Variants in LONRF3 observed in about 807,000 individuals in gnomAD.
LONRF3 encodes LON peptidase N-terminal domain and RING finger protein 3.
A neutral mutation model predicts 51.7 loss-of-function variants in LONRF3; 19 were observed. The ratio of observed to expected loss-of-function variants is 0.37; its 90% CI spans 0.26 to 0.54. The LOEUF is 0.54. Among genes scored for constraint, LONRF3 ranks in the 20% least tolerant of loss-of-function variants. The probability of loss-of-function intolerance (pLI) is 0.86; values close to 1 mark genes in which losing one functional copy is unlikely to be tolerated. For synonymous variants in LONRF3, 265 were observed against 257.8 expected (o/e 1.03, Z -0.27); for missense variants, 521 against 623.9 (o/e 0.84, Z 1.76).
intron 5 of LONRF3, among the ~76,000 whole-genome samples, chrX:118,995,121 T>C (rs1428747562): frequency 1.8e-5 from 2 of 112,138 alleles, no homozygotes; most frequent in East Asian, 5.6e-4. Context: ...TTAAGAGAAC[T>C]GAAATTATAT....
intron 3 of LONRF3, chrX:118,986,786 T>C: frequency 2.1e-6 from 1 of 468,839 alleles, no homozygotes; most frequent in East Asian, 3.8e-5. Context: ...CCTGGTGTGG[T>C]GTGTTAGGGA....
At chrX:119,009,479 G>A (rs1924955140) in intron 7 of LONRF3, among the ~76,000 whole-genome samples, 2 of 111,998 alleles carry the variant, frequency 1.8e-5, no homozygotes, top group African/African-American at 3.2e-5. Flanking sequence ...AAGCATAAGC[G>A]AAACCAGTGA....
rs755823822 is a variant in LONRF3, at chrX:119,017,655, C to A, written c.2245C>A (p.Arg749=). The part of the protein sequence containing the change: ...SLKDRLNGIR[R]VLAFISRNQN ...AAAGGACAGACTGAATGGTATTCGACGAGTCCTGGCCTTCATATCCCGAAA... is the reference window on the plus strand; with the variant it reads ...AAAGGACAGACTGAATGGTATTCGAAGAGTCCTGGCCTTCATATCCCGAAA... The change falls in exon 11 of 11, where the codon CGA becomes AGA. Residue 749 remains arginine (R), a synonymous_variant. Transcript: ENST00000371628. 5 of 1,206,345 alleles carry A rather than the reference C, an allele frequency of 4.1e-6. No homozygotes were observed. The Admixed American group carries it at 8.8e-5, about 21-fold the overall frequency.
At chrX:118,975,688 AC>A in intron 1 of LONRF3, 91 bp downstream of exon 1, 1 of 533,847 alleles carries the variant, frequency 1.9e-6, no homozygotes, top group Non-Finnish European at 2.5e-6. Flanking sequence ...AGGGATTTGG[AC>A]CAGGGCAGAA....
At chrX:119,002,968 T>C (rs764876409) in intron 5 of LONRF3, among the ~76,000 whole-genome samples, 1 of 109,455 alleles carries the variant, frequency 9.1e-6, no homozygotes, top group South Asian at 4.0e-4. Flanking sequence ...TCTGCTAATT[T>C]TTATGGGATT....
chrX:118,991,937 A>G (rs1293114936), intron 5 of LONRF3, among the ~76,000 whole-genome samples: 2 of 111,774 alleles, frequency 1.8e-5, no homozygotes, highest in Non-Finnish European at 3.8e-5. Flanking sequence ...TGTTCTATAT[A>G]TGGATTCTAA....
chrX:118,977,180 A>G (rs1026238261), intron 1 of LONRF3, among the ~76,000 whole-genome samples: 1 of 111,330 alleles, frequency 9.0e-6, no homozygotes. Flanking sequence ...GAAAAAAAAA[A>G]CATCAAAGCC....
At chrX:118,978,210 A>C in intron 1 of LONRF3, 135 bp from the exon 2 acceptor site, 2 of 476,061 alleles carry the variant, frequency 4.2e-6, no homozygotes, top group Middle Eastern at 5.2e-4. Flanking sequence ...CTAGAAATAG[A>C]GCCTAACCCT....
chrX:118,974,970 A>G lies in LONRF3; in HGVS notation c.190A>G (p.Thr64Ala). Reference sequence around the variant, plus strand: ...GCAAGAGCAGTCTCCGGGGACCTCAACGCCGGAGAGCAAAGTCCTGCTCAC... The same window carrying G: ...GCAAGAGCAGTCTCCGGGGACCTCAGCGCCGGAGAGCAAAGTCCTGCTCAC... ...PEQEQSPGTSTPESKVLLTQA... is the reference protein window; with the variant it reads ...PEQEQSPGTSAPESKVLLTQA... The change falls in exon 1 of 11, where the codon ACG becomes GCG. Residue 64 changes from threonine (T) to alanine (A), a missense_variant. This residue lies in a region of LONRF3 where 376 missense variants were observed against 376.7 expected (regional missense o/e 1.00). Coordinates refer to ENST00000371628, the MANE Select transcript of LONRF3 (RefSeq NM_001031855.3). 1.7e-6 allele frequency: 2 copies of G among 1,176,137 alleles called. No individual in the cohort carries two copies. The highest frequency in any genetic ancestry group is 2.3e-4 in the Middle Eastern group (1 of 4,285).
chrX:118,978,302 G>A lies in LONRF3; in HGVS notation c.818-43G>A, dbSNP rs368118941. ...CATACAGGACTTAACACCTGCTTGCGCTGGGGGCCATTAATAAAGGTTTTT... is the reference window on the plus strand; with the variant it reads ...CATACAGGACTTAACACCTGCTTGCACTGGGGGCCATTAATAAAGGTTTTT... On this transcript the variant is annotated intron_variant, in intron 1 of 10. Transcript: ENST00000371628. 1.7e-5 allele frequency: 15 copies of A among 886,740 alleles called. No individual in the cohort carries two copies. The African/African-American group carries it at 2.0e-4, about 12-fold the overall frequency. The allele number at this position is 886,740 out of a possible 1,213,427, so 73.1% of individuals were successfully genotyped here. A position where few individuals can be genotyped will look rare whatever the true frequency, so the allele number is the denominator to read the frequency against.
intron 5 of LONRF3, among the ~76,000 whole-genome samples, chrX:119,000,775 TTCTCTCTCTCTCTCTCTCTC>T (rs200671696): frequency 0.11 from 6,278 of 55,163 alleles, 164 homozygotes; most frequent in South Asian, 0.18. Context: ...TTCACTCTCA[TTCTCTCTCTCTCTCTCTCTC>T]TCTCTCTCTC....
chrX:118,981,243 G>T (rs374497464), intron 2 of LONRF3, among the ~76,000 whole-genome samples: 5 of 110,305 alleles, frequency 4.5e-5, no homozygotes, highest in African/African-American at 1.7e-4. Flanking sequence ...CCAGCACTTT[G>T]GGAGGCTGAG....
intron 5 of LONRF3, among the ~76,000 whole-genome samples, chrX:118,993,668 G>A (rs1923594979): frequency 9.0e-6 from 1 of 111,546 alleles, no homozygotes; most frequent in Non-Finnish European, 1.9e-5. Context: ...AACACAAGAA[G>A]CACAAAGAAC....
intron 3 of LONRF3, 150 bp from the exon 4 acceptor site, chrX:118,989,258 A>C: frequency 1.6e-6 from 1 of 622,550 alleles, no homozygotes; most frequent in Non-Finnish European, 2.5e-6. Context: ...ATAATGCCTT[A>C]TGACGGCCCC....
rs1235713005 is a variant in LONRF3 at position 119,014,233 on chromosome X, C to A, written c.2001C>A (p.Leu667=). The A allele has an allele frequency of 5.8e-6, 7 of 1,207,305 alleles. No individual in the cohort carries two copies. In the African/African-American group the frequency reaches 1.2e-4, roughly 21 times the overall value. The change falls in exon 10 of 11, where the codon CTC becomes CTA. Residue 667 remains leucine (L), a synonymous_variant. Transcript: ENST00000371628. ...QKVQGEDCAE[L]MGLHNCVYQQ... is the part of the protein sequence containing the mutation. The stretch of plus-strand genomic sequence containing the variant: ...TTCAGGGAGAGGATTGTGCTGAGCT[C>A]ATGGGATTACATAACTGTGTCTATC...
chrX:118,999,804 TCAAAA>T (rs769740214), intron 5 of LONRF3, among the ~76,000 whole-genome samples: 1 of 111,664 alleles, frequency 9.0e-6, no homozygotes, highest in Admixed American at 9.5e-5. Flanking sequence ...AAGTGAGACT[TCAAAA>T]CAAAACAAAA....
chrX:118,985,233 G>A (rs1256855756), intron 3 of LONRF3, among the ~76,000 whole-genome samples: 1 of 111,980 alleles, frequency 8.9e-6, no homozygotes, highest in Non-Finnish European at 1.9e-5. Flanking sequence ...TGCACCTTGT[G>A]ATGCTGTGTG....
chrX:118,981,314 A>G (rs755048937), intron 2 of LONRF3, among the ~76,000 whole-genome samples: 4 of 109,343 alleles, frequency 3.7e-5, no homozygotes, highest in Non-Finnish European at 7.6e-5. Flanking sequence ...GTGAAACCCC[A>G]TCTCTACTAA....
chrX:118,984,343 T>C (rs1922797263), intron 3 of LONRF3, among the ~76,000 whole-genome samples: 1 of 112,276 alleles, frequency 8.9e-6, no homozygotes, highest in African/African-American at 3.2e-5. Context: ...TGAAGCTGGA[T>C]CAATAGTAGC....
Sources: gnomAD v4.1 joint callset for allele counts (sites outside exome capture counted in the v4.1 genomes callset) on GRCh38, gnomAD v4.1.1 for gene constraint, gnomAD v4.1.1 regional missense constraint, MANE v1.5 for transcripts, NCBI Gene and HGNC (gene_info 2026-07-23, HGNC 2026-07-21) for gene names.